Variants in RAB28 observed in about 807,000 individuals in gnomAD.
The protein encoded by RAB28 is ras-related protein Rab-28.
In RAB28, 24 loss-of-function variants were observed where a neutral mutation model predicts 31.7. The ratio of observed to expected loss-of-function variants is 0.76; its 90% confidence interval spans 0.55 to 1.06. The LOEUF (loss-of-function observed/expected upper bound fraction) is 1.06, where lower values mean the gene tolerates loss of function less well. Ranked by LOEUF, RAB28 falls within the 50% of genes least tolerant of loss-of-function variation. The pLI, the probability that RAB28 is intolerant of heterozygous loss-of-function variation, is 0.00. For missense variants in RAB28, 254 were observed against 258.5 expected, an observed-to-expected ratio of 0.98 and a Z score of 0.12; for synonymous variants, 100 against 90.4, an observed-to-expected ratio of 1.11 and a Z score of -0.60.
intron 4 of RAB28, among the ~76,000 whole-genome samples, chr4:13,413,686 A>G (rs1257109927): frequency 1.3e-5 from 2 of 152,240 alleles, no homozygotes; most frequent in Non-Finnish European, 2.9e-5. Flanking sequence ...AAATAAGAAA[A>G]GAAGAGATAG....
chr4:13,475,058 A>G (rs1485700780), intron 2 of RAB28, among the ~76,000 whole-genome samples: 2 of 151,680 alleles, frequency 1.3e-5, no homozygotes, highest in Non-Finnish European at 3.0e-5. Context: ...TAAATATTAC[A>G]ATGCTTTCAA....
intron 1 of RAB28, 97 bp downstream of exon 1, chr4:13,483,979 G>C: frequency 2.5e-6 from 3 of 1,190,832 alleles, no homozygotes; most frequent in Non-Finnish European, 2.4e-6. Context: ...AAGCCCGAGG[G>C]CTCGGGGTAA....
At chr4:13,405,389 C>G (rs926844590) in intron 4 of RAB28, among the ~76,000 whole-genome samples, 1 of 152,046 alleles carries the variant, frequency 6.6e-6, no homozygotes, top group Non-Finnish European at 1.5e-5. Context: ...AAGCTGTCAG[C>G]CTATAAGAAA....
intron 4 of RAB28, among the ~76,000 whole-genome samples, chr4:13,442,186 A>G (rs1714453281): frequency 6.6e-6 from 1 of 152,190 alleles, no homozygotes; most frequent in South Asian, 2.1e-4. Context: ...TTTGTCCACC[A>G]TATGTCCACT....
At chr4:13,408,935 T>G (rs1404392441) in intron 4 of RAB28, among the ~76,000 whole-genome samples, 1 of 152,214 alleles carries the variant, frequency 6.6e-6, no homozygotes, top group Admixed American at 6.5e-5. Flanking sequence ...ATAAGTTAAT[T>G]AAAAAGCATA....
intron 4 of RAB28, among the ~76,000 whole-genome samples, chr4:13,421,708 C>T (rs1162565402): frequency 6.6e-6 from 1 of 152,174 alleles, no homozygotes; most frequent in Non-Finnish European, 1.5e-5. Flanking sequence ...ATGTAGAAAG[C>T]TGAAACAGGA....
intron 4 of RAB28, among the ~76,000 whole-genome samples, chr4:13,451,417 T>C (rs1035801070): frequency 4.9e-4 from 74 of 150,984 alleles, no homozygotes; most frequent in Middle Eastern, 3.4e-3. Context: ...TTTTGGTTTT[T>C]GTCTTTTGTT....
At chr4:13,385,765 C>T (rs1375855484) in intron 4 of RAB28, among the ~76,000 whole-genome samples, 1 of 152,062 alleles carries the variant, frequency 6.6e-6, no homozygotes, top group Non-Finnish European at 1.5e-5. Flanking sequence ...AAAGCAACCA[C>T]ACAAAAAAGT....
intron 4 of RAB28, among the ~76,000 whole-genome samples, chr4:13,394,195 T>C (rs2108893895): frequency 6.6e-6 from 1 of 152,252 alleles, no homozygotes; most frequent in East Asian, 1.9e-4. Context: ...ACCTCTTTGA[T>C]CTGAGATCTA....
chr4:13,371,733 C>G, intron 6 of RAB28: 1 of 1,542,250 alleles, frequency 6.5e-7, no homozygotes, highest in Non-Finnish European at 8.7e-7. Flanking sequence ...TCACTGTAGT[C>G]AGCTTATTTA....
chr4:13,453,154 T>C (rs1715067213), intron 4 of RAB28, among the ~76,000 whole-genome samples: 1 of 152,126 alleles, frequency 6.6e-6, no homozygotes, highest in African/African-American at 2.4e-5. Flanking sequence ...TTTCAGTCTA[T>C]GTGTGTCTTT....
chr4:13,383,554 G>A (rs1423758736), intron 4 of RAB28, among the ~76,000 whole-genome samples: 2 of 152,074 alleles, frequency 1.3e-5, no homozygotes, highest in Non-Finnish European at 2.9e-5. Flanking sequence ...TAGTGATATG[G>A]TTTGGCTGTG....
chr4:13,392,806 T>C (rs181393205), intron 4 of RAB28, among the ~76,000 whole-genome samples: 1 of 152,302 alleles, frequency 6.6e-6, no homozygotes, highest in Non-Finnish European at 1.5e-5. Context: ...ATTAGCTTGA[T>C]TTAGCCATTA....
intron 1 of RAB28, among the ~76,000 whole-genome samples, chr4:13,483,022 A>G (rs1716681415): frequency 6.6e-6 from 1 of 152,184 alleles, no homozygotes; most frequent in Non-Finnish European, 1.5e-5. Context: ...GGTTGGGATA[A>G]GGAAGGGGAG....
chr4:13,418,082 G>A (rs1712904135), intron 4 of RAB28, among the ~76,000 whole-genome samples: 1 of 152,162 alleles, frequency 6.6e-6, no homozygotes, highest in South Asian at 2.1e-4. Flanking sequence ...CTGAAAACCA[G>A]GGCACAAGAA....
intron 4 of RAB28, among the ~76,000 whole-genome samples, chr4:13,404,262 C>A (rs1039858855): frequency 1.3e-5 from 2 of 152,230 alleles, no homozygotes; most frequent in Admixed American, 6.5e-5. Context: ...CCTATAATCC[C>A]AGCTACTTGG....
chr4:13,470,382 A>T (rs1017174029), intron 3 of RAB28, among the ~76,000 whole-genome samples: 1 of 152,060 alleles, frequency 6.6e-6, no homozygotes, highest in Non-Finnish European at 1.5e-5. Flanking sequence ...AGAGAGCAGA[A>T]GGTCTTGGAG....
rs1186799201 is a variant in RAB28, at chr4:13,479,295, T to A, written c.172+135A>T. On this transcript the variant is annotated intron_variant, in intron 2 of 6. Transcript: ENST00000330852. Reference sequence around the variant, plus strand: ...TGATAGATTGTGATGAAAGTTAACATCCCTAAGATAAATTTACTGTTTATA... The same window carrying A: ...TGATAGATTGTGATGAAAGTTAACAACCCTAAGATAAATTTACTGTTTATA... 3 of 625,906 alleles carry A rather than the reference T, an allele frequency of 4.8e-6. No homozygotes were observed. The African/African-American group carries it at 5.7e-5, about 12-fold the overall frequency. 38.8% of individuals were successfully genotyped at this position (625,906 alleles called of 1,614,324 possible).
chr4:13,418,580 A>G (rs1712934098), intron 4 of RAB28, among the ~76,000 whole-genome samples: 1 of 152,252 alleles, frequency 6.6e-6, no homozygotes, highest in Non-Finnish European at 1.5e-5. Flanking sequence ...AAGCCAGAAG[A>G]CAGCAGGGGC....
Sources: gnomAD v4.1 joint callset for allele counts (sites outside exome capture counted in the v4.1 genomes callset) on GRCh38, gnomAD v4.1.1 for gene constraint, MANE v1.5 for transcripts, NCBI Gene and HGNC (gene_info 2026-07-23, HGNC 2026-07-21) for gene names.